Variants in ADGRD1 observed in about 807,000 individuals in gnomAD.
The protein encoded by ADGRD1 is G-protein coupled receptor 133.
In ADGRD1, 77 loss-of-function variants were observed where a neutral mutation model predicts 113.4. The observed-to-expected ratio is 0.68, with a 90% CI of 0.57 to 0.82. ADGRD1 has a LOEUF of 0.82. Among genes scored for constraint, ADGRD1 ranks in the 40% least tolerant of loss-of-function variants. ADGRD1 has a pLI of 0.00. For missense variants in ADGRD1, 1,036 were observed against 1,139.1 expected (o/e 0.91, Z 1.30); for synonymous variants, 474 against 475.0 (o/e 1.00, Z 0.03).
intron 20 of ADGRD1, among the ~76,000 whole-genome samples, chr12:131,122,437 C>A (rs1566129495): frequency 6.6e-6 from 1 of 152,176 alleles, no homozygotes. Flanking sequence ...GTGAGGATCA[C>A]CTGCCATCGC....
intron 5 of ADGRD1, among the ~76,000 whole-genome samples, chr12:130,982,327 A>G (rs947600820): frequency 8.5e-5 from 13 of 152,184 alleles, no homozygotes; most frequent in African/African-American, 3.1e-4. Context: ...ACCTGACCAC[A>G]CTGACCTCAG....
chr12:130,966,401 C>T lies in ADGRD1; in HGVS notation c.104-62C>T, dbSNP rs1870993646. Reference sequence around the variant, plus strand: ...CCCATAATGTGTGTGCTAAGCGGTTCTTACCCTCTGGTTCTTTCCTCTCTA... The same window carrying T: ...CCCATAATGTGTGTGCTAAGCGGTTTTTACCCTCTGGTTCTTTCCTCTCTA... On this transcript the variant is annotated intron_variant, in intron 2 of 24. Transcript: ENST00000261654. This position sits in a 1 kb window ranked among gnomAD's most constrained non-coding sequence, Gnocchi z 4.6. 9.4e-7 allele frequency: 1 copy of T among 1,062,476 alleles called. No individual in the cohort carries two copies. The highest frequency in any genetic ancestry group is 1.7e-5 in the Admixed American group (1 of 59,080). 65.8% of individuals were successfully genotyped at this position (1,062,476 alleles called of 1,614,324 possible).
intron 13 of ADGRD1, among the ~76,000 whole-genome samples, chr12:131,044,850 A>T (rs1198311615): frequency 1.3e-5 from 2 of 152,250 alleles, no homozygotes. Flanking sequence ...GACAAAAATG[A>T]AACCGAAACC....
chr12:130,987,423 C>A (rs1273435131), intron 6 of ADGRD1, 74 bp downstream of exon 6: 2 of 1,545,688 alleles, frequency 1.3e-6, no homozygotes, highest in Non-Finnish European at 1.8e-6. Context: ...CCTCCTTTCT[C>A]CCCACTCTCC....
intron 15 of ADGRD1, among the ~76,000 whole-genome samples, chr12:131,088,990 G>A (rs1034986119): frequency 8.5e-4 from 129 of 152,176 alleles, no homozygotes; most frequent in Non-Finnish European, 1.5e-3. Context: ...CAAGGCCCGG[G>A]TGGAGTGAGG....
intron 14 of ADGRD1, among the ~76,000 whole-genome samples, chr12:131,080,537 A>G (rs550297306): frequency 7.2e-5 from 11 of 152,156 alleles, no homozygotes; most frequent in Non-Finnish European, 1.3e-4. Context: ...TTTTCTGTCA[A>G]CTTGTTCTGT....
chr12:131,113,183 G>C lies in ADGRD1; in HGVS notation c.2041+4306G>C, dbSNP rs1950382723. Among the ~76,000 whole-genome samples the C allele has an allele frequency of 6.6e-6, 1 of 152,254 alleles. No homozygotes were observed. The highest frequency in any genetic ancestry group is 2.4e-5 in the African/African-American group (1 of 41,470). ...TCAGTCTTCTTAACAAGATTTAGTAGATTTTCTTGAGCCAGTTTTTCTCAA... is the reference window on the plus strand; with the variant it reads ...TCAGTCTTCTTAACAAGATTTAGTACATTTTCTTGAGCCAGTTTTTCTCAA... On this transcript the variant is annotated intron_variant, in intron 18 of 24. Transcript: ENST00000261654. This position sits in a 1 kb window ranked among gnomAD's most constrained non-coding sequence, Gnocchi z 4.9.
chr12:131,059,817 T>C (rs557970930), intron 13 of ADGRD1, among the ~76,000 whole-genome samples: 14 of 152,372 alleles, frequency 9.2e-5, no homozygotes, highest in African/African-American at 3.4e-4. Flanking sequence ...AGCATTTTTA[T>C]GATGGCTGTT....
chr12:131,003,648 C>T lies in ADGRD1; in HGVS notation c.1144+346C>T, dbSNP rs563247090. Among the ~76,000 whole-genome samples, 1 of 152,336 alleles carries T rather than the reference C, an allele frequency of 6.6e-6. No individual in the cohort carries two copies. The highest frequency in any genetic ancestry group is 2.4e-5 in the African/African-American group (1 of 41,578). On this transcript the variant is annotated intron_variant, in intron 10 of 24. Transcript: ENST00000261654. The surrounding 1 kb of genome is among the most constrained non-coding windows in gnomAD (Gnocchi z 4.8). ...CGGGTTTCTGGCGTCAGCTTGCTCTCAGCTGGGCTCCAGGGTAATTGTCAC... is the reference window on the plus strand; with the variant it reads ...CGGGTTTCTGGCGTCAGCTTGCTCTTAGCTGGGCTCCAGGGTAATTGTCAC...
chr12:131,105,784 C>T lies in ADGRD1; in HGVS notation c.1806C>T (p.Tyr602=), dbSNP rs1192298075. Residue 602 remains tyrosine, a synonymous_variant, in exon 17 of 25, where the codon TAC becomes TAT. Transcript: ENST00000261654. ...TGAGCACCATCCGGAACCAGCGCTA[C>T]CACATCCACGCCAACCTGTCCTTCG... The part of the protein sequence containing the change: ...SSVSTIRNQR[Y]HIHANLSFAV... 1 of 1,601,536 alleles carries T rather than the reference C, an allele frequency of 6.2e-7. No individual in the cohort carries two copies.
intron 11 of ADGRD1, among the ~76,000 whole-genome samples, chr12:131,004,564 C>A (rs1344155572): frequency 6.7e-6 from 1 of 148,832 alleles, no homozygotes. Flanking sequence ...GGCCACTGAA[C>A]TGGAATTTGG....
chr12:131,028,729 G>T (rs190512542), intron 13 of ADGRD1, among the ~76,000 whole-genome samples: 1 of 152,164 alleles, frequency 6.6e-6, no homozygotes, highest in East Asian at 1.9e-4. Flanking sequence ...CGCCTTTGCC[G>T]TCAGTCACGG....
At chr12:131,070,912 G>T (rs1275544431) in intron 13 of ADGRD1, 1 of 519,056 alleles carries the variant, frequency 1.9e-6, no homozygotes. Flanking sequence ...ATCCAGGATG[G>T]TGGAGAAGAG....
intron 4 of ADGRD1, among the ~76,000 whole-genome samples, chr12:130,974,979 T>C (rs1404786180): frequency 6.6e-6 from 1 of 152,150 alleles, no homozygotes; most frequent in Non-Finnish European, 1.5e-5. Context: ...GGGCAAGCTT[T>C]GGAGGACATT....
chr12:130,957,500 TCACA>T (rs1386914021), intron 2 of ADGRD1: 1 of 152,110 alleles, frequency 6.6e-6, no homozygotes, highest in African/African-American at 2.4e-5. Context: ...ACACACACCC[TCACA>T]CATTCACACA....
At chr12:130,992,746 C>G (rs889957439) in intron 8 of ADGRD1, among the ~76,000 whole-genome samples, 1 of 152,268 alleles carries the variant, frequency 6.6e-6, no homozygotes, top group African/African-American at 2.4e-5. Flanking sequence ...AGAGGCCTCA[C>G]TGGCAGATCC....
chr12:131,033,826 G>A (rs1298686031), intron 13 of ADGRD1, among the ~76,000 whole-genome samples: 1 of 152,172 alleles, frequency 6.6e-6, no homozygotes, highest in East Asian at 1.9e-4. Flanking sequence ...GCTTCCCTGA[G>A]CCGCGTGGGT....
intron 13 of ADGRD1, among the ~76,000 whole-genome samples, chr12:131,065,889 C>T (rs1382030990): frequency 6.6e-6 from 1 of 152,234 alleles, no homozygotes; most frequent in African/African-American, 2.4e-5. Context: ...GGTTAGGGCC[C>T]TCTCCGGGGG....
intron 8 of ADGRD1, among the ~76,000 whole-genome samples, chr12:130,999,902 C>A (rs1003640062): frequency 2.0e-5 from 3 of 152,174 alleles, no homozygotes; most frequent in Non-Finnish European, 2.9e-5. Flanking sequence ...TGAGCCGAAC[C>A]AAACATGGTT....
Sources: allele counts gnomAD v4.1 joint callset (sites outside exome capture counted in the v4.1 genomes callset), GRCh38; gene constraint gnomAD v4.1.1; non-coding constraint Gnocchi (gnomAD v3.1); transcripts MANE v1.5; gene names NCBI Gene and HGNC (gene_info 2026-07-23, HGNC 2026-07-21).